The following MXI1 variants were observed in gnomAD, a reference collection of about 807,000 sequenced individuals.
MXI1 encodes the protein max-interacting protein 1.
A neutral mutation model predicts 36.9 loss-of-function variants in MXI1; 18 were observed. That is an observed-to-expected ratio of 0.49 (90% CI 0.34 to 0.72). The LOEUF (loss-of-function observed/expected upper bound fraction) is 0.72, where lower values mean the gene tolerates loss of function less well. Ranked by LOEUF, MXI1 falls within the 30% of genes least tolerant of loss-of-function variation. The pLI is 0.01. For missense variants in MXI1, 304 were observed against 379.1 expected (o/e 0.80, Z 1.64); for synonymous variants, 160 against 146.7 (o/e 1.09, Z -0.65).
chr10:110,226,318 C>T (rs1160194999), intron 1 of MXI1: 2 of 1,465,264 alleles, frequency 1.4e-6, no homozygotes, highest in Non-Finnish European at 1.8e-6. Context: ...AGCCCGAGCG[C>T]TACTAATCTT....
chr10:110,242,906 G>A (rs902200666), intron 2 of MXI1, among the ~76,000 whole-genome samples: 2 of 151,820 alleles, frequency 1.3e-5, no homozygotes, highest in Non-Finnish European at 2.9e-5. Context: ...ATTACTTACT[G>A]TAGTATTTTA....
chr10:110,266,079 T>C (rs377018823), intron 3 of MXI1, among the ~76,000 whole-genome samples: 135 of 152,122 alleles, frequency 8.9e-4, no homozygotes, highest in African/African-American at 3.2e-3. Context: ...ATGTCTCTGA[T>C]GACAGCTAAA....
chr10:110,214,914 G>T (rs1249878850), intron 1 of MXI1, among the ~76,000 whole-genome samples: 1 of 151,318 alleles, frequency 6.6e-6, no homozygotes, highest in African/African-American at 2.4e-5. Context: ...AGAAATGGGA[G>T]TCTTCCTGCA....
At chr10:110,263,640 G>A (rs73358704) in intron 3 of MXI1, among the ~76,000 whole-genome samples, 6,221 of 152,188 alleles carry the variant, frequency 0.041, 432 homozygotes, top group African/African-American at 0.14. Flanking sequence ...GGCCCTTGAG[G>A]TGTTGTTACC....
chr10:110,216,309 C>T (rs530095734), intron 1 of MXI1, among the ~76,000 whole-genome samples: 11 of 152,324 alleles, frequency 7.2e-5, no homozygotes, highest in African/African-American at 2.4e-4. Flanking sequence ...GTGAGCCATT[C>T]TCCCTAAATT....
chr10:110,208,600 A>C (rs1854420843), intron 1 of MXI1: 1 of 152,190 alleles, frequency 6.6e-6, no homozygotes, highest in Non-Finnish European at 1.5e-5. Flanking sequence ...ACAGCTCTCC[A>C]CGGCGTGGGC....
intron 3 of MXI1, among the ~76,000 whole-genome samples, chr10:110,249,192 A>C (rs532175816): frequency 6.6e-6 from 1 of 152,304 alleles, no homozygotes; most frequent in East Asian, 1.9e-4. Context: ...TGTTATATGA[A>C]GATAGTAACT....
intron 1 of MXI1, chr10:110,208,365 T>C: frequency 3.5e-6 from 1 of 288,082 alleles, no homozygotes; most frequent in Non-Finnish European, 6.6e-6. Flanking sequence ...GGGGGAGTGT[T>C]GTTGTTTGCT....
rs61404740 is a variant in MXI1, at chr10:110,214,860, T to TA, written c.274+6781dup. Among the ~76,000 whole-genome samples the TA allele has an allele frequency of 9.2e-5, 13 of 141,732 alleles. No individual in the cohort carries two copies. In the East Asian group the frequency reaches 1.9e-3, roughly 20 times the overall value. 93.0% of individuals were successfully genotyped at this position (141,732 alleles called of 152,430 possible). On this transcript the variant is annotated intron_variant, in intron 1 of 5. Transcript: ENST00000332674. ...GCTTTTGAGTTTTTTTTTTTTTTTT[T>TA]AAAGGAGAGAAAGAAAAAGAAATAA...
chr10:110,218,577 C>A (rs1390637102), intron 1 of MXI1, among the ~76,000 whole-genome samples: 1 of 152,126 alleles, frequency 6.6e-6, no homozygotes, highest in Non-Finnish European at 1.5e-5. Context: ...GCTGTCAGAA[C>A]CTCCAGGGCC....
At chr10:110,215,819 A>G (rs1283631785) in intron 1 of MXI1, among the ~76,000 whole-genome samples, 1 of 152,140 alleles carries the variant, frequency 6.6e-6, no homozygotes, top group Non-Finnish European at 1.5e-5. Context: ...GGAGGAATTC[A>G]AGTCTTGGAG....
At chr10:110,260,478 C>A (rs1486188104) in intron 3 of MXI1, among the ~76,000 whole-genome samples, 1 of 140,682 alleles carries the variant, frequency 7.1e-6, no homozygotes, top group Non-Finnish European at 1.6e-5. Flanking sequence ...CAGATATATA[C>A]ATATATATAA....
intron 3 of MXI1, chr10:110,261,279 C>A (rs1856499149): frequency 4.9e-6 from 2 of 410,954 alleles, no homozygotes; most frequent in South Asian, 1.0e-4. Flanking sequence ...ATTTTTTTTG[C>A]TTGCAGAGTT....
intron 2 of MXI1, among the ~76,000 whole-genome samples, chr10:110,233,457 T>G (rs1447191473): frequency 6.6e-6 from 1 of 152,132 alleles, no homozygotes; most frequent in East Asian, 1.9e-4. Flanking sequence ...TGAACCTATT[T>G]GTTCACAGAA....
chr10:110,278,129 T>G (rs555789794), intron 3 of MXI1, among the ~76,000 whole-genome samples: 2 of 152,370 alleles, frequency 1.3e-5, no homozygotes, highest in Admixed American at 1.3e-4. Context: ...TGTTAACTGC[T>G]GAATTACCTT....
At chr10:110,226,311 C>T (rs1854965467) in intron 1 of MXI1, 3 of 1,480,438 alleles carry the variant, frequency 2.0e-6, no homozygotes, top group Admixed American at 4.4e-5. Context: ...CTGCGTGAGC[C>T]CGAGCGCTAC....
At chr10:110,226,337 G>T in intron 1 of MXI1, 1 of 1,437,292 alleles carries the variant, frequency 7.0e-7, no homozygotes. Flanking sequence ...TTTTTCGGCA[G>T]TGCGGTGCGG....
intron 3 of MXI1, among the ~76,000 whole-genome samples, chr10:110,247,586 G>T (rs908927930): frequency 6.6e-6 from 1 of 152,124 alleles, no homozygotes; most frequent in African/African-American, 2.4e-5. Flanking sequence ...AAGGGATCCA[G>T]TTTCAGCTTT....
At chr10:110,277,828 CCTTG>C (rs1857090541) in intron 3 of MXI1, among the ~76,000 whole-genome samples, 1 of 152,210 alleles carries the variant, frequency 6.6e-6, no homozygotes, top group African/African-American at 2.4e-5. Context: ...CCTTAATCAT[CCTTG>C]CTTGTCATGA....
Sources: gnomAD v4.1 joint callset for allele counts (sites outside exome capture counted in the v4.1 genomes callset) on GRCh38, gnomAD v4.1.1 for gene constraint, MANE v1.5 for transcripts, NCBI Gene and HGNC (gene_info 2026-07-23, HGNC 2026-07-21) for gene names.